ADAMTSL3: variants seen among roughly 807,000 people sequenced by gnomAD.
ADAMTSL3 encodes the protein ADAMTS-like protein 3.
In ADAMTSL3, 128 loss-of-function variants were observed where a neutral mutation model predicts 201.7. That is an observed-to-expected ratio of 0.63 (90% CI 0.55 to 0.73). The LOEUF (loss-of-function observed/expected upper bound fraction) is 0.73. Among genes scored for constraint, ADAMTSL3 ranks in the 30% least tolerant of loss-of-function variants. ADAMTSL3 has a pLI of 0.00. For synonymous variants in ADAMTSL3, 738 were observed against 748.4 expected, an observed-to-expected ratio of 0.99 and a Z score of 0.23; for missense variants, 1,990 against 2,119.6, an observed-to-expected ratio of 0.94 and a Z score of 1.20.
At chr15:83,991,360 A>G in intron 23 of ADAMTSL3, 146 bp downstream of exon 23, 1 of 1,214,790 alleles carries the variant, frequency 8.2e-7, no homozygotes, top group South Asian at 1.4e-5. Flanking sequence ...GCACACTGAC[A>G]GTGGATCTAA....
At chr15:83,807,982 C>A (rs2063627746) in intron 5 of ADAMTSL3, among the ~76,000 whole-genome samples, 1 of 152,072 alleles carries the variant, frequency 6.6e-6, no homozygotes, top group Admixed American at 6.6e-5. Context: ...TGTACAAAAT[C>A]CACTAAAAAT....
At chr15:84,026,974 G>A (rs2068322445) in intron 27 of ADAMTSL3, among the ~76,000 whole-genome samples, 3 of 152,144 alleles carry the variant, frequency 2.0e-5, no homozygotes, top group Admixed American at 2.0e-4. Context: ...CATCAAGAAA[G>A]TAAACAGACA....
intron 7 of ADAMTSL3, among the ~76,000 whole-genome samples, chr15:83,849,473 A>G (rs927998095): frequency 3.3e-5 from 5 of 152,234 alleles, no homozygotes; most frequent in Admixed American, 6.5e-5. Flanking sequence ...AATAGAAAAT[A>G]TAGGATTTCA....
chr15:83,864,419 T>A (rs2064931809), intron 8 of ADAMTSL3, among the ~76,000 whole-genome samples: 1 of 152,186 alleles, frequency 6.6e-6, no homozygotes, highest in South Asian at 2.1e-4. Context: ...TCCACCATGA[T>A]CAAGTTGGCT....
intron 22 of ADAMTSL3, among the ~76,000 whole-genome samples, chr15:83,990,516 T>C (rs1406911677): frequency 6.6e-6 from 1 of 152,092 alleles, no homozygotes; most frequent in Non-Finnish European, 1.5e-5. Flanking sequence ...TGGTAAATGT[T>C]TACATTGGAA....
chr15:83,654,511 G>A lies in ADAMTSL3; in HGVS notation c.-34+235G>A, dbSNP rs1293725640. ...CCGGAAGGTTCAGGGAGAGTCTTTC[G>A]GCGGCAGTTCGCGGGCTGAGGGGCG... On this transcript the variant is annotated intron_variant, in intron 1 of 29. Coordinates refer to ENST00000286744, the MANE Select transcript of ADAMTSL3 (RefSeq NM_207517.3). The surrounding 1 kb of genome is among the most constrained non-coding windows in gnomAD (Gnocchi z 5.3). Among the ~76,000 whole-genome samples the A allele has an allele frequency of 6.6e-6, 1 of 152,030 alleles. No homozygotes were observed. Among genetic ancestry groups the A allele is most frequent in the African/African-American group, 2.4e-5 (1 of 41,414 alleles).
intron 2 of ADAMTSL3, among the ~76,000 whole-genome samples, chr15:83,680,513 G>GTTT (rs55658833): frequency 7.4e-6 from 1 of 134,468 alleles, no homozygotes; most frequent in Non-Finnish European, 1.6e-5. Context: ...CTTAGTTGTT[G>GTTT]TTTTTTTTTT....
intron 7 of ADAMTSL3, among the ~76,000 whole-genome samples, chr15:83,849,886 A>G (rs922988052): frequency 6.6e-6 from 1 of 152,212 alleles, no homozygotes; most frequent in African/African-American, 2.4e-5. Flanking sequence ...AATCCCCTGT[A>G]GTTATATAAG....
rs141988957 is a variant in ADAMTSL3, at chr15:83,983,206, C to G, written c.3578C>G (p.Thr1193Arg). The change falls in exon 21 of 30, where the codon ACA becomes AGA. Residue 1193 changes from threonine (T) to arginine (R), a missense_variant. Coordinates refer to ENST00000286744, the MANE Select transcript of ADAMTSL3 (RefSeq NM_207517.3). ...SQPPSISFNK[T>R]INSRIGNTVY... Reference sequence around the variant, plus strand: ...CCTCCCTCAATTTCATTTAATAAAACAATAAATTCCAGGATTGGAAATACA... The same window carrying G: ...CCTCCCTCAATTTCATTTAATAAAAGAATAAATTCCAGGATTGGAAATACA... 5.0e-6 allele frequency: 8 copies of G among 1,613,946 alleles called. No individual in the cohort carries two copies. In the African/African-American group the frequency reaches 1.1e-4, roughly 22 times the overall value.
intron 5 of ADAMTSL3, among the ~76,000 whole-genome samples, chr15:83,807,337 T>A (rs1490719470): frequency 6.6e-6 from 1 of 152,072 alleles, no homozygotes; most frequent in Non-Finnish European, 1.5e-5. Flanking sequence ...GCAATCGTAA[T>A]CCCAGCTACT....
intron 3 of ADAMTSL3, among the ~76,000 whole-genome samples, chr15:83,752,891 ACT>A (rs1405121193): frequency 6.6e-6 from 1 of 152,054 alleles, no homozygotes; most frequent in Non-Finnish European, 1.5e-5. Context: ...GGTTTGTTCA[ACT>A]CTCTCATCCA....
chr15:83,890,072 G>C, intron 10 of ADAMTSL3, 37 bp from the exon 11 acceptor site: 1 of 1,574,980 alleles, frequency 6.3e-7, no homozygotes. Context: ...AAATGAAACG[G>C]ATGCAATATT....
intron 3 of ADAMTSL3, among the ~76,000 whole-genome samples, chr15:83,710,677 T>C (rs953903863): frequency 6.6e-6 from 1 of 152,226 alleles, no homozygotes; most frequent in African/African-American, 2.4e-5. Context: ...TGTCATTGGC[T>C]GCCTATTTGT....
At chr15:83,801,631 T>A (rs28562029) in intron 4 of ADAMTSL3, among the ~76,000 whole-genome samples, 1 of 32,756 alleles carries the variant, frequency 3.1e-5, no homozygotes, top group Non-Finnish European at 4.9e-5. Flanking sequence ...AAATTTTATA[T>A]ATATAAATAT....
At chr15:83,864,312 A>G (rs2064929397) in intron 8 of ADAMTSL3, among the ~76,000 whole-genome samples, 1 of 152,202 alleles carries the variant, frequency 6.6e-6, no homozygotes, top group Non-Finnish European at 1.5e-5. Flanking sequence ...CACAACCAAA[A>G]AAGAGAATTT....
chr15:83,779,607 A>G (rs1596192780), intron 4 of ADAMTSL3, among the ~76,000 whole-genome samples: 2 of 148,680 alleles, frequency 1.3e-5, no homozygotes, highest in Non-Finnish European at 3.0e-5. Context: ...CTGAGGCAGG[A>G]GAATGGTGTG....
intron 19 of ADAMTSL3, among the ~76,000 whole-genome samples, chr15:83,966,949 G>C (rs1190688969): frequency 6.6e-6 from 1 of 152,176 alleles, no homozygotes; most frequent in African/African-American, 2.4e-5. Context: ...TATCTCAATA[G>C]ATGCAGAAAA....
intron 18 of ADAMTSL3, 28 bp downstream of exon 18, chr15:83,942,816 C>T (rs1465131609): frequency 3.1e-6 from 5 of 1,609,546 alleles, no homozygotes; most frequent in Non-Finnish European, 2.5e-6. Context: ...CTCCAGGGCC[C>T]TCTGTGATTA....
intron 3 of ADAMTSL3, among the ~76,000 whole-genome samples, chr15:83,711,002 G>T (rs2061925991): frequency 6.6e-6 from 1 of 152,264 alleles, no homozygotes; most frequent in African/African-American, 2.4e-5. Context: ...ATGTTTGAAT[G>T]AATTTTTAAT....
Sources: allele counts gnomAD v4.1 joint callset (sites outside exome capture counted in the v4.1 genomes callset), GRCh38; gene constraint gnomAD v4.1.1; non-coding constraint Gnocchi (gnomAD v3.1); transcripts MANE v1.5; gene names NCBI Gene and HGNC (gene_info 2026-07-23, HGNC 2026-07-21).